Variants in MYT1L observed in about 807,000 individuals in gnomAD.
MYT1L encodes myelin transcription factor 1-like protein.
MYT1L carries 12 observed loss-of-function variants against 126.7 expected under a neutral mutation model. The ratio of observed to expected loss-of-function variants is 0.09; its 90% CI spans 0.06 to 0.15. The LOEUF is 0.15. Ranked by LOEUF, MYT1L falls within the 10% of genes least tolerant of loss-of-function variation. The pLI, the probability that MYT1L is intolerant of heterozygous loss-of-function variation, is 1.00. For missense variants in MYT1L, 979 were observed against 1,585.2 expected, an observed-to-expected ratio of 0.62 and a Z score of 6.49; for synonymous variants, 541 against 604.2, an observed-to-expected ratio of 0.90 and a Z score of 1.53.
chr2:2,178,454 A>T (rs2148605958), intron 2 of MYT1L, among the ~76,000 whole-genome samples: 1 of 152,354 alleles, frequency 6.6e-6, no homozygotes, highest in African/African-American at 2.4e-5. Context: ...AAGCAAAATG[A>T]TATAGAAGAG....
intron 9 of MYT1L, among the ~76,000 whole-genome samples, chr2:1,932,238 G>C (rs1038034136): frequency 6.6e-6 from 1 of 152,162 alleles, no homozygotes; most frequent in Non-Finnish European, 1.5e-5. Flanking sequence ...AAGATAGGAG[G>C]CATTTATGAA....
chr2:1,981,639 G>A (rs188209987), intron 5 of MYT1L, among the ~76,000 whole-genome samples: 370 of 152,352 alleles, frequency 2.4e-3, no homozygotes, highest in African/African-American at 8.6e-3. Context: ...GATGTACCGG[G>A]AGGCCCCGCT....
intron 3 of MYT1L, among the ~76,000 whole-genome samples, chr2:2,136,171 T>C (rs146200563): frequency 1.6e-3 from 238 of 152,292 alleles, no homozygotes; most frequent in African/African-American, 5.1e-3. Flanking sequence ...TCCTCCAGTC[T>C]GTGACTCTGC....
At chr2:2,067,562 C>T (rs1002817162) in intron 3 of MYT1L, among the ~76,000 whole-genome samples, 7 of 151,906 alleles carry the variant, frequency 4.6e-5, no homozygotes, top group Non-Finnish European at 5.9e-5. Context: ...CCTGTCTGTA[C>T]CAAAACAAAA....
intron 8 of MYT1L, among the ~76,000 whole-genome samples, chr2:1,963,227 T>C (rs1477258946): frequency 6.6e-6 from 1 of 152,220 alleles, no homozygotes; most frequent in Non-Finnish European, 1.5e-5. Context: ...CAGTAAGAAA[T>C]GAAAGAAAAT....
At chr2:1,863,326 G>T (rs2044967149) in intron 18 of MYT1L, among the ~76,000 whole-genome samples, 1 of 152,180 alleles carries the variant, frequency 6.6e-6, no homozygotes, top group Non-Finnish European at 1.5e-5. Context: ...GAGAAGCACA[G>T]GCCCTTTCCC....
At chr2:1,986,208 A>G (rs1217262485) in intron 5 of MYT1L, among the ~76,000 whole-genome samples, 1 of 152,214 alleles carries the variant, frequency 6.6e-6, no homozygotes, top group Non-Finnish European at 1.5e-5. Context: ...AGTTTTAAAA[A>G]ATTCTCACAA....
At chr2:2,150,876 GGGAAGGAA>G (rs981950775) in intron 3 of MYT1L, among the ~76,000 whole-genome samples, 3 of 145,536 alleles carry the variant, frequency 2.1e-5, no homozygotes, top group Non-Finnish European at 4.5e-5. Flanking sequence ...GAAGAAGGGA[GGGAAGGAA>G]GGAAGGAAGG....
At chr2:2,325,546 T>G (rs973754289) in intron 1 of MYT1L, 1 of 152,228 alleles carries the variant, frequency 6.6e-6, no homozygotes, top group Non-Finnish European at 1.5e-5. Flanking sequence ...TTTTCTGGCT[T>G]AAAAAAGTGC....
chr2:2,045,648 A>G (rs34939823), intron 4 of MYT1L, among the ~76,000 whole-genome samples: 5,584 of 152,324 alleles, frequency 0.037, 118 homozygotes, highest in Non-Finnish European at 0.057. Flanking sequence ...CAATTTCCCT[A>G]TCCTCTGCTC....
chr2:1,876,960 A>G (rs2046988786), intron 18 of MYT1L, among the ~76,000 whole-genome samples: 1 of 152,220 alleles, frequency 6.6e-6, no homozygotes, highest in Non-Finnish European at 1.5e-5. Flanking sequence ...TGGAGACTCA[A>G]GCTGAGTCTC....
rs1283007781 is a variant in MYT1L at position 1,979,740 on chromosome 2, C to T, written c.38G>A (p.Arg13Gln). 1 of 1,613,962 alleles carries T rather than the reference C, an allele frequency of 6.2e-7. No homozygotes were observed. The highest frequency in any genetic ancestry group is 1.1e-5 in the South Asian group (1 of 91,078). The change falls in exon 6 of 25, where the codon CGG becomes CAG. Residue 13 changes from arginine to glutamine, a missense_variant. Arg to Gln is a conservative substitution (Grantham distance 43, BLOSUM62 1). Transcript: ENST00000647738. The surrounding 1 kb of genome is among the most constrained non-coding windows in gnomAD (Gnocchi z 4.0). ...VDTEEKRHRTRSKGVRVPVEP... is the reference protein window; with the variant it reads ...VDTEEKRHRTQSKGVRVPVEP... ...GGACATACCTCGAACCCCTTTGGAC[C>T]GCGTGCGATGCCGCTTCTCCTCGGT...
chr2:1,925,192 T>C (rs761743694), intron 9 of MYT1L, among the ~76,000 whole-genome samples: 5 of 152,246 alleles, frequency 3.3e-5, no homozygotes, highest in Admixed American at 6.5e-5. Context: ...ACTATTTTCA[T>C]GATGTTCTCC....
intron 2 of MYT1L, among the ~76,000 whole-genome samples, chr2:2,275,486 C>T (rs960299074): frequency 4.6e-5 from 7 of 151,916 alleles, no homozygotes; most frequent in African/African-American, 1.5e-4. Flanking sequence ...CCCAGTTGGG[C>T]GATTTGGATG....
intron 1 of MYT1L, among the ~76,000 whole-genome samples, chr2:2,305,504 C>A (rs888468702): frequency 6.6e-6 from 1 of 152,298 alleles, no homozygotes; most frequent in African/African-American, 2.4e-5. Flanking sequence ...ACCTTAGAAG[C>A]AGGCACTTCA....
intron 3 of MYT1L, among the ~76,000 whole-genome samples, chr2:2,120,085 G>A (rs1326841496): frequency 6.6e-6 from 1 of 152,168 alleles, no homozygotes; most frequent in South Asian, 2.1e-4. Context: ...TTAGGATGCC[G>A]TTCTTTGCCC....
chr2:2,221,778 A>G (rs2093880938), intron 2 of MYT1L, among the ~76,000 whole-genome samples: 1 of 152,224 alleles, frequency 6.6e-6, no homozygotes, highest in African/African-American at 2.4e-5. Context: ...AAAAGTATGA[A>G]CAACCTTAGA....
At chr2:1,843,583 T>C (rs1227440753) in intron 19 of MYT1L, among the ~76,000 whole-genome samples, 2 of 151,360 alleles carry the variant, frequency 1.3e-5, no homozygotes, top group Non-Finnish European at 1.5e-5. Flanking sequence ...TGCGGTATCC[T>C]ACCCAGGGAG....
chr2:2,202,468 C>T (rs1194576144), intron 2 of MYT1L, among the ~76,000 whole-genome samples: 1 of 152,172 alleles, frequency 6.6e-6, no homozygotes. Context: ...GAAATACAAA[C>T]TACCATCAGA....
Sources: gnomAD v4.1 joint callset for allele counts (sites outside exome capture counted in the v4.1 genomes callset) on GRCh38, gnomAD v4.1.1 for gene constraint, Gnocchi (gnomAD v3.1) non-coding constraint, MANE v1.5 for transcripts, NCBI Gene and HGNC (gene_info 2026-07-23, HGNC 2026-07-21) for gene names.